The following PTPRG variants were observed in gnomAD, a reference collection of about 807,000 sequenced individuals.
PTPRG encodes the protein receptor-type tyrosine-protein phosphatase gamma.
Under a neutral mutation model 165.3 loss-of-function variants are expected in PTPRG, and 102 were observed. The observed-to-expected ratio is 0.62, with a 90% confidence interval of 0.53 to 0.73. The LOEUF is 0.73. PTPRG is among the 30% of genes least tolerant of loss of function. PTPRG has a pLI of 0.00. For missense variants in PTPRG, 1,866 were observed against 1,861.4 expected (o/e 1.00, Z -0.05); for synonymous variants, 675 against 669.5 (o/e 1.01, Z -0.13).
intron 2 of PTPRG, among the ~76,000 whole-genome samples, chr3:61,755,927 A>G (rs1232512872): frequency 1.3e-5 from 2 of 152,198 alleles, no homozygotes; most frequent in African/African-American, 2.4e-5. Flanking sequence ...TTGTAGGGTT[A>G]AGGACTGGGC....
intron 1 of PTPRG, among the ~76,000 whole-genome samples, chr3:61,671,919 C>T (rs1319172508): frequency 2.8e-5 from 4 of 144,858 alleles, no homozygotes; most frequent in African/African-American, 7.8e-5. Context: ...ACCTCCCTCC[C>T]GGACGAGGTG....
intron 2 of PTPRG, among the ~76,000 whole-genome samples, chr3:61,840,538 G>T (rs943792540): frequency 3.9e-5 from 6 of 152,116 alleles, no homozygotes; most frequent in Non-Finnish European, 8.8e-5. Context: ...AATGATGTCA[G>T]TGTGAATTGT....
intron 2 of PTPRG, among the ~76,000 whole-genome samples, chr3:61,978,834 AGGTT>A (rs2040569607): frequency 6.6e-6 from 1 of 152,182 alleles, no homozygotes; most frequent in Admixed American, 6.5e-5. Flanking sequence ...TTATAAAAAC[AGGTT>A]GTGGGCTGGA....
chr3:62,049,133 A>G (rs13069117), intron 4 of PTPRG, among the ~76,000 whole-genome samples: 52,538 of 151,662 alleles, frequency 0.35, 10,867 homozygotes, highest in Middle Eastern at 0.51. Flanking sequence ...AAAAAAAAAC[A>G]GAAGCCGGGG....
intron 15 of PTPRG, among the ~76,000 whole-genome samples, chr3:62,246,263 T>C (rs1043186431): frequency 1.3e-5 from 2 of 152,206 alleles, no homozygotes; most frequent in Non-Finnish European, 2.9e-5. Context: ...AGTGTGATGT[T>C]AAAGGGCTTA....
At chr3:61,850,637 G>T (rs1162601682) in intron 2 of PTPRG, among the ~76,000 whole-genome samples, 2 of 151,988 alleles carry the variant, frequency 1.3e-5, no homozygotes, top group African/African-American at 2.4e-5. Flanking sequence ...TCACATTGTG[G>T]CTATTTTATA....
intron 6 of PTPRG, among the ~76,000 whole-genome samples, chr3:62,152,613 G>A (rs922645619): frequency 4.6e-5 from 7 of 152,198 alleles, no homozygotes; most frequent in African/African-American, 1.4e-4. Context: ...GTGGGACTGA[G>A]CAGGCAATGA....
rs148352398 is a variant in PTPRG at position 61,887,123 on chromosome 3, CATATATATATAT to C, written c.191-102465_191-102454del. 8.2e-3 allele frequency among the ~76,000 whole-genome samples: 708 copies of C among 85,868 alleles called. 5 individuals carry two copies. Among genetic ancestry groups the C allele is most frequent in the African/African-American group, 0.02 (258 of 12,654 alleles). The allele number at this position is 85,868 out of a possible 152,430, so 56.3% of individuals were successfully genotyped here. ...ATTTTTAAAGTATAACCATAGCATG[CATATATATATAT>C]ATATATATATATATATATATATATA... On this transcript the variant is annotated intron_variant, in intron 2 of 29. Transcript: ENST00000474889.
At chr3:62,017,444 C>G (rs1366762755) in intron 4 of PTPRG, among the ~76,000 whole-genome samples, 1 of 148,806 alleles carries the variant, frequency 6.7e-6, no homozygotes, top group Non-Finnish European at 1.5e-5. Flanking sequence ...GAGGCGGAGT[C>G]TCGCTCTTTC....
chr3:61,735,291 G>T (rs1461515365), intron 1 of PTPRG, among the ~76,000 whole-genome samples: 1 of 152,004 alleles, frequency 6.6e-6, no homozygotes, highest in Non-Finnish European at 1.5e-5. Flanking sequence ...CTTGAGACTC[G>T]TATTGTGTTA....
intron 2 of PTPRG, among the ~76,000 whole-genome samples, chr3:61,958,691 G>A (rs1287813216): frequency 3.3e-5 from 5 of 152,106 alleles, no homozygotes; most frequent in Admixed American, 6.5e-5. Flanking sequence ...TTCAAAGGTA[G>A]ACATTGAATC....
chr3:61,933,499 G>A (rs1029653863), intron 2 of PTPRG, among the ~76,000 whole-genome samples: 1 of 152,142 alleles, frequency 6.6e-6, no homozygotes, highest in African/African-American at 2.4e-5. Context: ...AGCATACGTT[G>A]CTTCTGGTGT....
At position 61,685,454 on chromosome 3, in the gene PTPRG, G is replaced by A. The variant is rs552404009; in HGVS notation, c.86-63424G>A. ...AGGAATTCATTGGGGGTTAGTGCCT[G>A]TAGCAGAAGTAAAGGGAAGAAGCAG... On this transcript the variant is annotated intron_variant, in intron 1 of 29. Coordinates refer to ENST00000474889, the MANE Select transcript of PTPRG (RefSeq NM_002841.4). Among the ~76,000 whole-genome samples the A allele has an allele frequency of 4.6e-5, 7 of 152,354 alleles. No individual in the cohort carries two copies. The South Asian group carries it at 1.2e-3, about 27-fold the overall frequency.
chr3:61,937,341 G>A (rs2039505262), intron 2 of PTPRG, among the ~76,000 whole-genome samples: 1 of 152,144 alleles, frequency 6.6e-6, no homozygotes, highest in African/African-American at 2.4e-5. Context: ...GTCGCAAAGT[G>A]TCCTTTTGAA....
chr3:61,680,181 G>A (rs1047394908), intron 1 of PTPRG, among the ~76,000 whole-genome samples: 1 of 152,240 alleles, frequency 6.6e-6, no homozygotes. Flanking sequence ...CCCCATTAAT[G>A]CCAGCTTGTC....
In PTPRG at chr3:62,290,979, G is replaced by T. The variant is rs538207565; in HGVS notation, c.4056-1442G>T. The stretch of plus-strand genomic sequence containing the variant: ...CAAACAATGTTAAGAGAAACAGATC[G>T]GGGGGCAAAAAAACTCACAAGTACT... On this transcript the variant is annotated intron_variant, in intron 28 of 29. Transcript: ENST00000474889. Among the ~76,000 whole-genome samples the T allele has an allele frequency of 7.9e-5, 12 of 152,002 alleles. No homozygotes were observed. The East Asian group carries it at 2.3e-3, about 29-fold the overall frequency.
intron 1 of PTPRG, among the ~76,000 whole-genome samples, chr3:61,642,730 C>T (rs772883607): frequency 6.6e-6 from 1 of 152,130 alleles, no homozygotes; most frequent in Non-Finnish European, 1.5e-5. Flanking sequence ...AGCTTAGTGT[C>T]TGTATTTTTA....
intron 1 of PTPRG, among the ~76,000 whole-genome samples, chr3:61,645,842 A>G (rs72874801): frequency 0.055 from 8,424 of 152,306 alleles, 783 homozygotes; most frequent in African/African-American, 0.19. Context: ...TGCCAATACC[A>G]GATCTAGCCT....
intron 1 of PTPRG, among the ~76,000 whole-genome samples, chr3:61,677,646 T>A (rs1451185809): frequency 6.6e-6 from 1 of 152,234 alleles, no homozygotes; most frequent in Non-Finnish European, 1.5e-5. Context: ...TCCTTTTCTC[T>A]CTGTGCTGCA....
Sources: allele counts gnomAD v4.1 joint callset (sites outside exome capture counted in the v4.1 genomes callset), GRCh38; gene constraint gnomAD v4.1.1; transcripts MANE v1.5; gene names NCBI Gene and HGNC (gene_info 2026-07-23, HGNC 2026-07-21).